The following BRCA1 variants were observed in gnomAD, a reference collection of about 807,000 sequenced individuals.
The protein encoded by BRCA1 is BRCA1 DNA repair associated.
A neutral mutation model predicts 173.7 loss-of-function variants in BRCA1; 140 were observed. That is an observed-to-expected ratio of 0.81 (90% CI 0.70 to 0.93). BRCA1 has a LOEUF of 0.93. Among genes scored for constraint, BRCA1 ranks in the 40% least tolerant of loss-of-function variants. The pLI is 0.00. For synonymous variants in BRCA1, 662 were observed against 756.0 expected (o/e 0.88, Z 2.04); for missense variants, 1,983 against 2,172.5 (o/e 0.91, Z 1.73).
chr17:43,049,257 A>C (rs763180418), intron 20 of BRCA1, 63 bp from the exon 21 acceptor site: 3 of 1,437,512 alleles, frequency 2.1e-6, no homozygotes, highest in Non-Finnish European at 2.9e-6. Flanking sequence ...CAGGCCCTCT[A>C]CCCTACACTC....
intron 13 of BRCA1, 135 bp from the exon 14 acceptor site, chr17:43,074,656 C>T: frequency 1.3e-6 from 1 of 796,754 alleles, no homozygotes; most frequent in Non-Finnish European, 2.1e-6. Flanking sequence ...AAAGAGCCCG[C>T]AAGACAGCCT....
chr17:43,143,024 ATATATGTGTG>A (rs2056089868), intron 1 of BRCA1, among the ~76,000 whole-genome samples: 1 of 149,656 alleles, frequency 6.7e-6, no homozygotes, highest in South Asian at 2.1e-4. Flanking sequence ...ATATATATGT[ATATATGTGTG>A]TATATATATG....
At chr17:43,118,469 T>C (rs1309727871) in intron 2 of BRCA1, among the ~76,000 whole-genome samples, 8 of 151,698 alleles carry the variant, frequency 5.3e-5, no homozygotes, top group Admixed American at 4.6e-4. Context: ...CTCCGCCTCC[T>C]GAATTCAAGT....
At chr17:43,151,788 TGGG>T (rs1341498138) in intron 1 of BRCA1, among the ~76,000 whole-genome samples, 1 of 152,172 alleles carries the variant, frequency 6.6e-6, no homozygotes, top group Non-Finnish European at 1.5e-5. Context: ...TCCAGCTACT[TGGG>T]AGGCTGAGGA....
intron 1 of BRCA1, among the ~76,000 whole-genome samples, chr17:43,146,949 C>G (rs184361087): frequency 1.3e-5 from 2 of 152,072 alleles, no homozygotes; most frequent in Non-Finnish European, 2.9e-5. Flanking sequence ...TCGTTTACCC[C>G]GCATCACTGT....
intron 1 of BRCA1, among the ~76,000 whole-genome samples, chr17:43,147,864 A>G (rs1454839749): frequency 1.3e-5 from 2 of 152,150 alleles, no homozygotes; most frequent in Admixed American, 6.6e-5. Context: ...AGCCTCCAAG[A>G]AGGCCCCTGG....
At chr17:43,084,054 G>A (rs1352962572) in intron 11 of BRCA1, among the ~76,000 whole-genome samples, 2 of 144,942 alleles carry the variant, frequency 1.4e-5, no homozygotes, top group South Asian at 2.2e-4. Flanking sequence ...TTTTTGAGAC[G>A]GAGTCTCACT....
At chr17:43,061,783 C>T (rs1009652846) in intron 18 of BRCA1, among the ~76,000 whole-genome samples, 1 of 152,016 alleles carries the variant, frequency 6.6e-6, no homozygotes, top group African/African-American at 2.4e-5. Context: ...CAAGGTTTCA[C>T]CATGTTGACC....
At chr17:43,058,019 C>CAA (rs68106056) in intron 18 of BRCA1, among the ~76,000 whole-genome samples, 2,019 of 34,358 alleles carry the variant, frequency 0.059, 353 homozygotes, top group African/African-American at 0.14. Context: ...AACTCTGTCT[C>CAA]AAAAAAAAAA....
intron 20 of BRCA1, chr17:43,050,066 C>T (rs2051142853): frequency 2.5e-6 from 1 of 398,606 alleles, no homozygotes; most frequent in East Asian, 3.6e-5. Context: ...AATTACATTG[C>T]AGCCAGGTTT....
At chr17:43,047,398 G>A (rs2050959808) in intron 22 of BRCA1, among the ~76,000 whole-genome samples, 1 of 151,822 alleles carries the variant, frequency 6.6e-6, no homozygotes, top group South Asian at 2.1e-4. Context: ...ACCATGCCCG[G>A]CCTTGATTTA....
Position 43,124,023 on chromosome 17 carries a change from G to A in BRCA1, c.74C>T (p.Pro25Leu), listed in dbSNP as rs876660096. The change falls in exon 2 of 23, where the codon CCC becomes CTC. Residue 25 changes from proline to leucine, a missense_variant. Pro to Leu is a moderately conservative substitution (Grantham distance 98). Coordinates refer to ENST00000357654, the MANE Select transcript of BRCA1 (RefSeq NM_007294.4). ...INAMQKILEC[P>L]ICLELIKEPV... is the part of the protein sequence containing the mutation. ...CACTCTTGTGCTGACTTACCAGATG[G>A]GACACTCTAAGATTTTCTGCATAGC... is the stretch of plus-strand genomic sequence containing the variant. 1 of 1,611,362 alleles carries A rather than the reference G, an allele frequency of 6.2e-7. No individual in the cohort carries two copies. Among genetic ancestry groups the A allele is most frequent in the African/African-American group, 1.3e-5 (1 of 74,898 alleles).
intron 4 of BRCA1, 27 bp from the exon 5 acceptor site, chr17:43,104,983 A>C (rs772130013): frequency 2.6e-6 from 4 of 1,562,758 alleles, no homozygotes; most frequent in Non-Finnish European, 3.5e-6. Context: ...TGAGAAACAC[A>C]CTCAGCAAGT....
At chr17:43,166,847 G>A (rs1200514292) in intron 1 of BRCA1, 1 of 152,190 alleles carries the variant, frequency 6.6e-6, no homozygotes, top group Non-Finnish European at 1.5e-5. Flanking sequence ...CTCAAATGGA[G>A]TAGGCAAGTT....
intron 1 of BRCA1, chr17:43,159,972 A>G (rs1418763182): frequency 6.6e-6 from 1 of 152,286 alleles, no homozygotes; most frequent in Non-Finnish European, 1.5e-5. Context: ...TCTTATTTAA[A>G]TGTACAGAGC....
upstream of BRCA1, among the ~76,000 whole-genome samples, chr17:43,130,363 G>A (rs911138298): frequency 2.0e-5 from 3 of 152,070 alleles, no homozygotes; most frequent in Non-Finnish European, 4.4e-5. Context: ...CACCCAGGCG[G>A]GAGTGCAGTG....
At chr17:43,125,638 C>T (rs2055848711), upstream of BRCA1, 1 of 244,492 alleles carries the variant, frequency 4.1e-6, no homozygotes. Context: ...AGCCTCTACT[C>T]TTCCAGTTGC....
At chr17:43,168,447 G>T (rs8068432) in intron 1 of BRCA1, among the ~76,000 whole-genome samples, 1 of 152,198 alleles carries the variant, frequency 6.6e-6, no homozygotes, top group Non-Finnish European at 1.5e-5. Context: ...AGACCAGCCT[G>T]ACCAATACGG....
intron 12 of BRCA1, among the ~76,000 whole-genome samples, chr17:43,078,147 T>C (rs1342372146): frequency 1.3e-5 from 2 of 151,882 alleles, no homozygotes. Context: ...TACAGTGGCA[T>C]GATCTCGGCT....
Sources: allele counts gnomAD v4.1 joint callset (sites outside exome capture counted in the v4.1 genomes callset), GRCh38; gene constraint gnomAD v4.1.1; transcripts MANE v1.5; gene names NCBI Gene and HGNC (gene_info 2026-07-23, HGNC 2026-07-21).